HORMAD2: variants seen among roughly 807,000 people sequenced by gnomAD.
The protein encoded by HORMAD2 is HORMA domain containing 2, also known as HORMA domain-containing protein 2.
In HORMAD2, 45 loss-of-function variants were observed where a neutral mutation model predicts 38.8. The observed-to-expected ratio is 1.16, with a 90% CI of 0.91 to 1.49. HORMAD2 has a LOEUF of 1.49. Among genes scored for constraint, HORMAD2 ranks in the 40% most tolerant of loss-of-function variants. The pLI, the probability that HORMAD2 is intolerant of heterozygous loss-of-function variation, is 0.00. For synonymous variants in HORMAD2, 126 were observed against 122.8 expected (o/e 1.03, Z -0.17); for missense variants, 338 against 367.0 (o/e 0.92, Z 0.65).
chr22:30,088,773 T>C (rs1183143947), intron 1 of HORMAD2, among the ~76,000 whole-genome samples: 1 of 151,902 alleles, frequency 6.6e-6, no homozygotes, highest in Non-Finnish European at 1.5e-5. Context: ...AAAACTATTC[T>C]AGAAAATCAT....
chr22:30,090,771 G>A lies in HORMAD2; in HGVS notation c.-37-3145G>A, dbSNP rs188444346. On this transcript the variant is annotated intron_variant, in intron 1 of 10. Coordinates refer to ENST00000336726, the MANE Select transcript of HORMAD2 (RefSeq NM_152510.4). ...CACACAGTAATTGTACATATTTATG[G>A]GGTACAGAGTGATATTTTGATACAT... 2.3e-3 allele frequency among the ~76,000 whole-genome samples: 356 copies of A among 152,100 alleles called. 2 individuals carry two copies. The highest frequency in any genetic ancestry group is 4.0e-3 in the Non-Finnish European group (273 of 67,984).
chr22:30,084,678 A>G lies in HORMAD2; in HGVS notation c.-38+4187A>G, dbSNP rs993304681. Among the ~76,000 whole-genome samples, 26 of 151,898 alleles carry G rather than the reference A, an allele frequency of 1.7e-4. 1 individual carries two copies. Among genetic ancestry groups the G allele is most frequent in the Admixed American group, 7.2e-4 (11 of 15,246 alleles). ...ATTTATTTATTTTTAAAGTAGAGAC[A>G]GGGCTTCACCATGTTGGCCAGGCTG... On this transcript the variant is annotated intron_variant, in intron 1 of 10. Coordinates refer to ENST00000336726, the MANE Select transcript of HORMAD2 (RefSeq NM_152510.4).
At chr22:30,118,449 C>T (rs1922207413) in intron 7 of HORMAD2, among the ~76,000 whole-genome samples, 1 of 152,214 alleles carries the variant, frequency 6.6e-6, no homozygotes, top group South Asian at 2.1e-4. Context: ...CACTTGTCCC[C>T]TTCATGTACC....
intron 5 of HORMAD2, among the ~76,000 whole-genome samples, chr22:30,111,259 G>C (rs1921629509): frequency 1.3e-5 from 2 of 152,082 alleles, no homozygotes. Flanking sequence ...GCCAAGATGG[G>C]AGGATCACTT....
intron 2 of HORMAD2, among the ~76,000 whole-genome samples, chr22:30,095,892 C>A (rs1016741446): frequency 6.6e-6 from 1 of 152,012 alleles, no homozygotes; most frequent in Admixed American, 6.6e-5. Flanking sequence ...GAAGCCAGAT[C>A]AGAAACCAGA....
intron 10 of HORMAD2, among the ~76,000 whole-genome samples, chr22:30,144,926 T>C (rs1924318711): frequency 6.6e-6 from 1 of 151,940 alleles, no homozygotes; most frequent in Non-Finnish European, 1.5e-5. Context: ...AGCCCTCAGA[T>C]TGGGAGCTTG....
chr22:30,097,882 A>T (rs757316478), intron 2 of HORMAD2, among the ~76,000 whole-genome samples: 3 of 152,206 alleles, frequency 2.0e-5, no homozygotes, highest in Non-Finnish European at 4.4e-5. Context: ...GAGAGAATTG[A>T]GTATGTCCTC....
chr22:30,125,050 C>T (rs919140179), intron 10 of HORMAD2, among the ~76,000 whole-genome samples: 1 of 151,868 alleles, frequency 6.6e-6, no homozygotes, highest in African/African-American at 2.4e-5. Flanking sequence ...CTATTTTGCT[C>T]ATATTAAATA....
At chr22:30,165,082 T>A (rs1225417779) in intron 10 of HORMAD2, among the ~76,000 whole-genome samples, 2 of 152,216 alleles carry the variant, frequency 1.3e-5, no homozygotes, top group East Asian at 3.8e-4. Flanking sequence ...AGGTCTTTGA[T>A]CCTTTCTGAG....
intron 10 of HORMAD2, among the ~76,000 whole-genome samples, chr22:30,146,682 G>A (rs997219738): frequency 6.6e-6 from 1 of 152,084 alleles, no homozygotes; most frequent in Non-Finnish European, 1.5e-5. Context: ...CATCATACTA[G>A]AGGTCCCACC....
At position 30,094,065 on chromosome 22, in the gene HORMAD2, T is replaced by C. The variant is rs1317947761; in HGVS notation, c.51+62T>C. 4 of 1,189,788 alleles carry C rather than the reference T, an allele frequency of 3.4e-6. No homozygotes were observed. The East Asian group carries it at 1.0e-4, about 30-fold the overall frequency. 73.7% of individuals were successfully genotyped at this position (1,189,788 alleles called of 1,614,324 possible). A position where few individuals can be genotyped will look rare whatever the true frequency, so the allele number is the denominator to read the frequency against. ...TTAGTGAGTTAGTTCAGAATTATGA[T>C]TTTAATCTTTTGTGTGTGTGTTTTT... On this transcript the variant is annotated intron_variant, in intron 2 of 10. Coordinates refer to ENST00000336726, the MANE Select transcript of HORMAD2 (RefSeq NM_152510.4).
At chr22:30,144,601 T>C (rs2412975) in intron 10 of HORMAD2, among the ~76,000 whole-genome samples, 83,374 of 152,044 alleles carry the variant, frequency 0.55, 23,809 homozygotes, top group African/African-American at 0.7. Context: ...CTCAGTGACA[T>C]GCAGCTTTAG....
intron 1 of HORMAD2, among the ~76,000 whole-genome samples, chr22:30,088,142 T>C (rs1394905902): frequency 6.6e-6 from 1 of 151,458 alleles, no homozygotes; most frequent in Non-Finnish European, 1.5e-5. Context: ...TGTGTACATA[T>C]ACACATATGT....
downstream of HORMAD2, among the ~76,000 whole-genome samples, chr22:30,178,664 A>G (rs1378323618): frequency 2.0e-5 from 3 of 152,224 alleles, no homozygotes; most frequent in East Asian, 3.8e-4. Flanking sequence ...CTTTAGTGAA[A>G]AGAATGAAAA....
intron 5 of HORMAD2, among the ~76,000 whole-genome samples, chr22:30,106,991 T>A (rs1241053376): frequency 6.6e-6 from 1 of 152,244 alleles, no homozygotes; most frequent in Non-Finnish European, 1.5e-5. Flanking sequence ...CTAGGGACCA[T>A]AATTTGAAAA....
At chr22:30,178,968 G>C (rs1225217898), downstream of HORMAD2, among the ~76,000 whole-genome samples, 1 of 152,274 alleles carries the variant, frequency 6.6e-6, no homozygotes, top group Non-Finnish European at 1.5e-5. Context: ...TCCCTCTGCT[G>C]TCTGGGTCCT....
intron 2 of HORMAD2, among the ~76,000 whole-genome samples, chr22:30,095,040 G>A (rs2068757899): frequency 6.6e-6 from 1 of 151,866 alleles, no homozygotes; most frequent in Admixed American, 6.6e-5. Context: ...TGCTTTCCTG[G>A]GCCTGTTTTT....
At chr22:30,162,405 A>C (rs1201053488) in intron 10 of HORMAD2, among the ~76,000 whole-genome samples, 1 of 152,074 alleles carries the variant, frequency 6.6e-6, no homozygotes, top group African/African-American at 2.4e-5. Context: ...GAGTACTTGA[A>C]ATGTGGCTAG....
downstream of HORMAD2, among the ~76,000 whole-genome samples, chr22:30,180,497 G>A (rs935236827): frequency 1.3e-5 from 2 of 152,096 alleles, no homozygotes; most frequent in Non-Finnish European, 2.9e-5. Flanking sequence ...CTTCCTTTTA[G>A]CAAGGTAGTG....
Sources: allele counts gnomAD v4.1 joint callset (sites outside exome capture counted in the v4.1 genomes callset), GRCh38; gene constraint gnomAD v4.1.1; transcripts MANE v1.5; gene names NCBI Gene and HGNC (gene_info 2026-07-23, HGNC 2026-07-21).